TNPO1: variants seen among roughly 807,000 people sequenced by gnomAD.
TNPO1 encodes the protein transportin 1.
In TNPO1, 8 loss-of-function variants were observed where a neutral mutation model predicts 119.5. The observed-to-expected ratio is 0.07, with a 90% CI of 0.04 to 0.12. TNPO1 has a LOEUF of 0.12. TNPO1 is among the 10% of genes least tolerant of loss of function. TNPO1 has a pLI of 1.00. For missense variants in TNPO1, 576 were observed against 1,089.8 expected, an observed-to-expected ratio of 0.53 and a Z score of 6.64; for synonymous variants, 362 against 363.0, an observed-to-expected ratio of 1.00 and a Z score of 0.03.
At chr5:72,904,666 G>A (rs536853146) in intron 23 of TNPO1, among the ~76,000 whole-genome samples, 7 of 152,134 alleles carry the variant, frequency 4.6e-5, no homozygotes, top group South Asian at 4.1e-4. Flanking sequence ...GGGTGGTGGC[G>A]GATGCCTGTA....
At position 72,907,414 on chromosome 5, in the gene TNPO1, T is replaced by C. The variant is rs567297690; in HGVS notation, c.*36-1295T>C. On this transcript the variant is annotated intron_variant, in intron 24 of 24. Coordinates refer to ENST00000337273, the MANE Select transcript of TNPO1 (RefSeq NM_002270.4). ...AGATCAGTATCTTTTATTCCTGCCTTTTTGTACTCCTCTTCCTTTTCTTCA... is the reference window on the plus strand; with the variant it reads ...AGATCAGTATCTTTTATTCCTGCCTCTTTGTACTCCTCTTCCTTTTCTTCA... Among the ~76,000 whole-genome samples the C allele has an allele frequency of 9.2e-5, 14 of 152,258 alleles. No homozygotes were observed. The East Asian group carries it at 2.7e-3, about 29-fold the overall frequency.
At chr5:72,864,344 T>G (rs966689194) in intron 5 of TNPO1, among the ~76,000 whole-genome samples, 1 of 152,196 alleles carries the variant, frequency 6.6e-6, no homozygotes, top group African/African-American at 2.4e-5. Context: ...TACCTTCTGT[T>G]GGACACTTTA....
chr5:72,894,227 G>C (rs574245338), intron 18 of TNPO1, among the ~76,000 whole-genome samples: 1 of 151,554 alleles, frequency 6.6e-6, no homozygotes, highest in Non-Finnish European at 1.5e-5. Flanking sequence ...TGCGAGATTC[G>C]AGACTAGCAT....
chr5:72,817,794 C>G lies in TNPO1; in HGVS notation c.15+1042C>G, dbSNP rs182300918. 1.4e-3 allele frequency among the ~76,000 whole-genome samples: 214 copies of G among 152,328 alleles called. 2 individuals carry two copies. The highest frequency in any genetic ancestry group is 5.0e-3 in the African/African-American group (207 of 41,570). ...GAAGGTTGTAAAATGGCTGTCCTGA[C>G]GTACTACTCACTTTTAGAATAACAA... On this transcript the variant is annotated intron_variant, in intron 1 of 24. Coordinates refer to ENST00000337273, the MANE Select transcript of TNPO1 (RefSeq NM_002270.4).
Position 72,910,446 on chromosome 5 carries a change from G to GT in TNPO1, c.*1774dup, listed in dbSNP as rs1750487451. 1.3e-5 allele frequency: 2 copies of GT among 152,570 alleles called. No individual in the cohort carries two copies. Among genetic ancestry groups the GT allele is most frequent in the South Asian group, 4.1e-4 (2 of 4,834 alleles). 9.5% of individuals were successfully genotyped at this position (152,570 alleles called of 1,614,324 possible). On this transcript the variant is annotated 3_prime_UTR_variant, in exon 25 of 25. Transcript: ENST00000337273. Reference sequence around the variant, plus strand: ...TTTATTAATTTGGATTGCCTGAACAGTGTATCCCATGATGATGAAGGAAAA... The same window carrying GT: ...TTTATTAATTTGGATTGCCTGAACAGTTGTATCCCATGATGATGAAGGAAAA...
chr5:72,821,519 A>G lies in TNPO1; in HGVS notation c.15+4767A>G, dbSNP rs140835378. ...CCATTTGAAATTGTGTTTTTGAAAA[A>G]TATTTAATGAAATTAAATATATATT... On this transcript the variant is annotated intron_variant, in intron 1 of 24. Transcript: ENST00000337273. Among the ~76,000 whole-genome samples the G allele has an allele frequency of 3.9e-4, 59 of 152,350 alleles. No homozygotes were observed. The East Asian group carries it at 7.5e-3, about 19-fold the overall frequency.
intron 13 of TNPO1, 89 bp from the exon 14 acceptor site, chr5:72,889,697 T>A: frequency 7.1e-7 from 1 of 1,405,744 alleles, no homozygotes; most frequent in Non-Finnish European, 9.5e-7. Flanking sequence ...AATTCCTGAT[T>A]GGGTAAAACA....
At chr5:72,887,984 T>A in intron 12 of TNPO1, 94 bp from the exon 13 acceptor site, 1 of 1,215,962 alleles carries the variant, frequency 8.2e-7, no homozygotes, top group Non-Finnish European at 1.2e-6. Flanking sequence ...AGAAATATTC[T>A]GAATTTTTTC....
intron 4 of TNPO1, among the ~76,000 whole-genome samples, chr5:72,861,379 G>A (rs1002372819): frequency 2.0e-5 from 3 of 152,116 alleles, no homozygotes; most frequent in Admixed American, 6.5e-5. Context: ...CACAAGGTAC[G>A]GAATGGTGAT....
intron 4 of TNPO1, among the ~76,000 whole-genome samples, chr5:72,856,346 C>G (rs1257220490): frequency 6.6e-6 from 1 of 152,146 alleles, no homozygotes; most frequent in Non-Finnish European, 1.5e-5. Flanking sequence ...ATTCTCCTGC[C>G]TCAGCCTCCC....
chr5:72,820,224 A>G (rs1743892125), intron 1 of TNPO1, among the ~76,000 whole-genome samples: 1 of 152,104 alleles, frequency 6.6e-6, no homozygotes, highest in Admixed American at 6.5e-5. Flanking sequence ...ATTTTTTTGC[A>G]GTTATAAGAA....
At chr5:72,868,260 G>A (rs760510115) in intron 6 of TNPO1, among the ~76,000 whole-genome samples, 12 of 151,566 alleles carry the variant, frequency 7.9e-5, no homozygotes, top group African/African-American at 1.7e-4. Flanking sequence ...GTGAAACCCC[G>A]CCTCTGCTAA....
rs1324184409 is a variant in TNPO1 at position 72,911,100 on chromosome 5, A to G, written c.*2427A>G. ...AATACTTAGAATTCTAATATGAGAG[A>G]TAGTTTAATATTCTGGAATAGAGAG... On this transcript the variant is annotated 3_prime_UTR_variant, in exon 25 of 25. Coordinates refer to ENST00000337273, the MANE Select transcript of TNPO1 (RefSeq NM_002270.4). 6.6e-6 allele frequency: 1 copy of G among 152,050 alleles called. No homozygotes were observed. Among genetic ancestry groups the G allele is most frequent in the Non-Finnish European group, 1.5e-5 (1 of 67,948 alleles). The allele number at this position is 152,050 out of a possible 1,614,324, so 9.4% of individuals were successfully genotyped here.
At chr5:72,893,931 G>T (rs1484251081) in intron 18 of TNPO1, among the ~76,000 whole-genome samples, 1 of 152,168 alleles carries the variant, frequency 6.6e-6, no homozygotes, top group African/African-American at 2.4e-5. Context: ...CCTGTGACTG[G>T]AGGAAAGCTT....
intron 1 of TNPO1, among the ~76,000 whole-genome samples, chr5:72,838,551 A>G (rs952840305): frequency 3.3e-5 from 5 of 152,140 alleles, no homozygotes; most frequent in African/African-American, 9.7e-5. Flanking sequence ...CAGCTCCTTA[A>G]ATTCAGTAAG....
intron 1 of TNPO1, among the ~76,000 whole-genome samples, chr5:72,834,993 A>G (rs1331234167): frequency 6.6e-6 from 1 of 152,206 alleles, no homozygotes; most frequent in African/African-American, 2.4e-5. Flanking sequence ...TGCCTGCAGT[A>G]TTCAGTACAG....
Position 72,865,733 on chromosome 5 carries a change from C to T in TNPO1, c.596+4C>T. The T allele has an allele frequency of 6.2e-7, 1 of 1,612,374 alleles. No homozygotes were observed. The highest frequency in any genetic ancestry group is 1.1e-5 in the South Asian group (1 of 90,816). ...AGCATAGTAGTCCAAAAATAAGGTA[C>T]TTATATTGCCAGTACTAATTGATTA... On this transcript the variant is annotated splice_donor_region_variant and intron_variant, in intron 6 of 24. Coordinates refer to ENST00000337273, the MANE Select transcript of TNPO1 (RefSeq NM_002270.4).
intron 15 of TNPO1, among the ~76,000 whole-genome samples, chr5:72,892,774 C>G (rs891158917): frequency 6.6e-6 from 1 of 152,050 alleles, no homozygotes; most frequent in African/African-American, 2.4e-5. Context: ...TATTACTTTC[C>G]GGCAGGATCT....
intron 1 of TNPO1, among the ~76,000 whole-genome samples, chr5:72,832,429 T>A (rs964374479): frequency 1.3e-5 from 2 of 152,194 alleles, no homozygotes; most frequent in African/African-American, 4.8e-5. Context: ...GAAAAGTTAC[T>A]AATATATTGC....
Sources: allele counts gnomAD v4.1 joint callset (sites outside exome capture counted in the v4.1 genomes callset), GRCh38; gene constraint gnomAD v4.1.1; transcripts MANE v1.5; gene names NCBI Gene and HGNC (gene_info 2026-07-23, HGNC 2026-07-21).